Variants in RBFOX1 observed in about 807,000 individuals in gnomAD.
RBFOX1 encodes RNA binding protein fox-1 homolog 1.
RBFOX1 carries 8 observed loss-of-function variants against 57.7 expected under a neutral mutation model. That is an observed-to-expected ratio of 0.14 (90% CI 0.08 to 0.25). The LOEUF is 0.25. Among genes scored for constraint, RBFOX1 ranks in the 10% least tolerant of loss-of-function variants. The pLI, the probability that RBFOX1 is intolerant of heterozygous loss-of-function variation, is 1.00. For synonymous variants in RBFOX1, 326 were observed against 222.4 expected, an observed-to-expected ratio of 1.47 and a Z score of -4.15; for missense variants, 611 against 548.5, an observed-to-expected ratio of 1.11 and a Z score of -1.14.
chr16:6,169,365 G>T (rs918163626), intron 1 of RBFOX1, among the ~76,000 whole-genome samples: 2 of 152,058 alleles, frequency 1.3e-5, no homozygotes, highest in Non-Finnish European at 2.9e-5. Context: ...AAAATTTCGG[G>T]ATTTGAATTC....
At chr16:6,536,832 C>A (rs1049324945) in intron 2 of RBFOX1, among the ~76,000 whole-genome samples, 1 of 152,070 alleles carries the variant, frequency 6.6e-6, no homozygotes, top group African/African-American at 2.4e-5. Flanking sequence ...ATTCCTGTGG[C>A]TTATTTTACT....
rs143318384 is a variant in RBFOX1 at position 6,373,997 on chromosome 16, T to C, written c.-64+56940T>C. Among the ~76,000 whole-genome samples, 63 of 152,324 alleles carry C rather than the reference T, an allele frequency of 4.1e-4. No homozygotes were observed. The East Asian group carries it at 7.5e-3, about 18-fold the overall frequency. ...ATCTTTCGATTCTTTGCATTCTCCA[T>C]AGTGCTCAGCTTGGCGTAAATACAG... On this transcript the variant is annotated intron_variant, in intron 2 of 15. Transcript: ENST00000550418.
intron 3 of RBFOX1, among the ~76,000 whole-genome samples, chr16:6,800,178 A>G (rs981230606): frequency 6.7e-6 from 1 of 148,494 alleles, no homozygotes; most frequent in African/African-American, 2.6e-5. Flanking sequence ...GTTTTGATCA[A>G]CAGGGTATTG....
chr16:7,410,648 G>A (rs577029819), intron 4 of RBFOX1, among the ~76,000 whole-genome samples: 1 of 152,088 alleles, frequency 6.6e-6, no homozygotes, highest in Admixed American at 6.6e-5. Flanking sequence ...TTGCACTCCA[G>A]CCTGGACAAC....
chr16:7,069,719 G>A (rs985070257), intron 4 of RBFOX1, among the ~76,000 whole-genome samples: 2 of 152,226 alleles, frequency 1.3e-5, no homozygotes, highest in South Asian at 4.2e-4. Context: ...GGGCAGCATC[G>A]AGGTGTGTTC....
rs185655815 is a variant in RBFOX1 at position 6,640,236 on chromosome 16, A to G, written c.-63-14367A>G. ...ATTTTATTATCTTAGTGTTTCAGAT[A>G]CGCCTTTTGCCACATTTCCTCAAGA... On this transcript the variant is annotated intron_variant, in intron 2 of 15. Transcript: ENST00000550418. 4.6e-5 allele frequency among the ~76,000 whole-genome samples: 7 copies of G among 152,318 alleles called. No individual in the cohort carries two copies. The East Asian group carries it at 1.3e-3, about 29-fold the overall frequency.
intron 3 of RBFOX1, among the ~76,000 whole-genome samples, chr16:6,841,588 C>G (rs986195749): frequency 6.6e-6 from 1 of 152,160 alleles, no homozygotes; most frequent in Non-Finnish European, 1.5e-5. Flanking sequence ...TGTCCACCCA[C>G]AGTTGAAGAG....
At chr16:6,006,440 G>A (rs2094927735) in intron 4 of RBFOX1, among the ~76,000 whole-genome samples, 1 of 152,056 alleles carries the variant, frequency 6.6e-6, no homozygotes, top group Non-Finnish European at 1.5e-5. Flanking sequence ...AATATTACAT[G>A]CCAGTCTGTG....
intron 1 of RBFOX1, among the ~76,000 whole-genome samples, chr16:6,134,358 T>A (rs2096650937): frequency 6.6e-6 from 1 of 152,194 alleles, no homozygotes; most frequent in Admixed American, 6.5e-5. Context: ...ATTTGTCTGG[T>A]TTCAGTGTAA....
intron 4 of RBFOX1, among the ~76,000 whole-genome samples, chr16:7,351,639 C>A (rs1454785313): frequency 1.3e-5 from 2 of 152,196 alleles, no homozygotes. Context: ...AAATTTTTCA[C>A]CCATTAGCTC....
At chr16:6,866,541 A>ATTTTTTTATTT (rs2059947959) in intron 3 of RBFOX1, among the ~76,000 whole-genome samples, 1 of 78,886 alleles carries the variant, frequency 1.3e-5, no homozygotes, top group African/African-American at 5.6e-5. Context: ...CTTTCCTTCT[A>ATTTTTTTATTT]TTTTTTTTTT....
intron 1 of RBFOX1, among the ~76,000 whole-genome samples, chr16:6,281,167 G>C (rs1239615858): frequency 6.6e-6 from 1 of 152,046 alleles, no homozygotes; most frequent in Non-Finnish European, 1.5e-5. Context: ...TGTTAGTAAT[G>C]AGATATAAAT....
chr16:6,655,138 C>T (rs1000118717), intron 3 of RBFOX1, among the ~76,000 whole-genome samples: 1 of 151,520 alleles, frequency 6.6e-6, no homozygotes, highest in Non-Finnish European at 1.5e-5. Context: ...CTTTGGGAGG[C>T]AGAGGTGGGT....
At chr16:6,195,579 C>T (rs987418112) in intron 1 of RBFOX1, among the ~76,000 whole-genome samples, 1 of 151,964 alleles carries the variant, frequency 6.6e-6, no homozygotes, top group Non-Finnish European at 1.5e-5. Context: ...ATTAGCCAGG[C>T]GTGGTGGCAC....
At chr16:7,537,575 G>A (rs1038158424) in intron 5 of RBFOX1, among the ~76,000 whole-genome samples, 1 of 152,224 alleles carries the variant, frequency 6.6e-6, no homozygotes, top group African/African-American at 2.4e-5. Flanking sequence ...GAATGGAGAT[G>A]CCACTGAGCT....
chr16:5,991,577 T>G (rs577178921), intron 4 of RBFOX1, among the ~76,000 whole-genome samples: 122 of 151,976 alleles, frequency 8.0e-4, no homozygotes, highest in African/African-American at 2.8e-3. Context: ...ATGATCGCAG[T>G]GGAGCAATTG....
chr16:5,981,535 C>T (rs1224377292), intron 4 of RBFOX1, among the ~76,000 whole-genome samples: 1 of 152,204 alleles, frequency 6.6e-6, no homozygotes, highest in Admixed American at 6.5e-5. Flanking sequence ...GTGGCACCAT[C>T]TCAGCTCACT....
intron 3 of RBFOX1, among the ~76,000 whole-genome samples, chr16:7,015,834 C>T (rs915008150): frequency 6.6e-6 from 1 of 151,554 alleles, no homozygotes; most frequent in African/African-American, 2.4e-5. Context: ...TATTATTCCA[C>T]AATAAGCAAT....
chr16:6,225,297 T>C (rs2097408161), intron 1 of RBFOX1, among the ~76,000 whole-genome samples: 1 of 152,130 alleles, frequency 6.6e-6, no homozygotes. Context: ...CAGGGTTTGA[T>C]GTTTAGCAGG....
Sources: allele counts gnomAD v4.1 joint callset (sites outside exome capture counted in the v4.1 genomes callset), GRCh38; gene constraint gnomAD v4.1.1; transcripts MANE v1.5; gene names NCBI Gene and HGNC (gene_info 2026-07-23, HGNC 2026-07-21).